ABLIM2: variants seen among roughly 807,000 people sequenced by gnomAD.
ABLIM2 encodes the protein actin-binding LIM protein 2.
In ABLIM2, 53 loss-of-function variants were observed where a neutral mutation model predicts 97.7. The ratio of observed to expected loss-of-function variants is 0.54; its 90% CI spans 0.44 to 0.68. The LOEUF is 0.68. ABLIM2 is among the 30% of genes least tolerant of loss of function. ABLIM2 has a pLI of 0.00. For synonymous variants in ABLIM2, 361 were observed against 345.8 expected (o/e 1.04, Z -0.49); for missense variants, 835 against 867.2 (o/e 0.96, Z 0.47).
chr4:8,045,814 C>T (rs1210495489), intron 8 of ABLIM2, among the ~76,000 whole-genome samples: 1 of 152,178 alleles, frequency 6.6e-6, no homozygotes, highest in East Asian at 1.9e-4. Flanking sequence ...CTGCAAGCTC[C>T]GGTTATGCTC....
chr4:8,008,151 T>A lies in ABLIM2; in HGVS notation c.1526A>T (p.Asn509Ile), dbSNP rs550340339. 1 of 1,613,912 alleles carries A rather than the reference T, an allele frequency of 6.2e-7. No homozygotes were observed. Among genetic ancestry groups the A allele is most frequent in the Non-Finnish European group, 8.5e-7 (1 of 1,179,894 alleles). Reference protein sequence around the residue: ...MLKGDADTRTNSPDLDTQSLS... With the variant: ...MLKGDADTRTISPDLDTQSLS... ...GGACTGGGTGTCCAGGTCTGGAGAA[T>A]TGGTCCTTGTGTCTGCATCCCCCTT... Residue 509 changes from asparagine to isoleucine, a missense_variant, in exon 16 of 21, where the codon AAT becomes ATT. By Grantham distance (149) the Asn-to-Ile change is moderately radical (BLOSUM62 -3). Coordinates refer to ENST00000447017, the MANE Select transcript of ABLIM2 (RefSeq NM_001130083.2).
intron 1 of ABLIM2, among the ~76,000 whole-genome samples, chr4:8,137,043 T>C (rs1302154104): frequency 6.6e-6 from 1 of 152,208 alleles, no homozygotes; most frequent in East Asian, 1.9e-4. Context: ...GCCCCATCTA[T>C]GAGGAGGCGG....
At chr4:8,052,484 C>T (rs1396974424) in intron 8 of ABLIM2, among the ~76,000 whole-genome samples, 1 of 152,254 alleles carries the variant, frequency 6.6e-6, no homozygotes. Flanking sequence ...GCGATCCTGG[C>T]CAAGCTCACA....
rs1163495811 is a variant in ABLIM2, at chr4:8,032,633, GA to G, written c.1048-2858del. On this transcript the variant is annotated intron_variant, in intron 10 of 20. Coordinates refer to ENST00000447017, the MANE Select transcript of ABLIM2 (RefSeq NM_001130083.2). The surrounding 1 kb of genome is among the most constrained non-coding windows in gnomAD (Gnocchi z 4.3). Reference sequence around the variant, plus strand: ...CGCCACGGCAAGCGGGGACAGGCGAGAGGGTGGTGGTTACCTCGGTCGGCGT... The same window carrying G: ...CGCCACGGCAAGCGGGGACAGGCGAGGGGTGGTGGTTACCTCGGTCGGCGT... 7 of 1,612,494 alleles carry G rather than the reference GA, an allele frequency of 4.3e-6. No individual in the cohort carries two copies. Among genetic ancestry groups the G allele is most frequent in the Non-Finnish European group, 5.9e-6 (7 of 1,179,810 alleles).
chr4:8,066,192 G>C (rs1226462300), intron 6 of ABLIM2, among the ~76,000 whole-genome samples: 5 of 151,094 alleles, frequency 3.3e-5, no homozygotes, highest in Non-Finnish European at 3.0e-5. Flanking sequence ...TGTAGTCCCA[G>C]CTAATCAGGA....
At position 8,043,450 on chromosome 4, in the gene ABLIM2, G is replaced by A. The variant is rs553192176; in HGVS notation, c.900+1714C>T. ...CTCCCCGAATTCCTGTGTTGGTAAAGTCCTAACCCTCAGGACCTCAGAATG... is the reference window on the plus strand; with the variant it reads ...CTCCCCGAATTCCTGTGTTGGTAAAATCCTAACCCTCAGGACCTCAGAATG... On this transcript the variant is annotated intron_variant, in intron 9 of 20. Coordinates refer to ENST00000447017, the MANE Select transcript of ABLIM2 (RefSeq NM_001130083.2). This position sits in a 1 kb window ranked among gnomAD's most constrained non-coding sequence, Gnocchi z 4.8. Among the ~76,000 whole-genome samples the A allele has an allele frequency of 2.0e-5, 3 of 152,156 alleles. No homozygotes were observed. Among genetic ancestry groups the A allele is most frequent in the African/African-American group, 7.2e-5 (3 of 41,418 alleles).
chr4:8,045,416 T>G (rs1791666458), intron 8 of ABLIM2, among the ~76,000 whole-genome samples, 175 bp from the exon 9 acceptor site: 1 of 152,190 alleles, frequency 6.6e-6, no homozygotes, highest in Non-Finnish European at 1.5e-5. Flanking sequence ...TTTGGGAGGC[T>G]GAGGTGGGCG....
rs13112032 is a variant in ABLIM2, at chr4:8,001,085, C to G, written c.1618+6974G>C. Among the ~76,000 whole-genome samples the G allele has an allele frequency of 3.0e-3, 459 of 152,312 alleles. No individual in the cohort carries two copies. The highest frequency in any genetic ancestry group is 6.8e-3 in the Middle Eastern group (2 of 294). On this transcript the variant is annotated intron_variant, in intron 16 of 20. Coordinates refer to ENST00000447017, the MANE Select transcript of ABLIM2 (RefSeq NM_001130083.2). This position sits in a 1 kb window ranked among gnomAD's most constrained non-coding sequence, Gnocchi z 4.2. ...TGGAGGCTGTGGCACTGCACAGGTTCGGGTCCCCTCTCTGAGCCTTGGTGT... is the reference window on the plus strand; with the variant it reads ...TGGAGGCTGTGGCACTGCACAGGTTGGGGTCCCCTCTCTGAGCCTTGGTGT...
At chr4:8,081,725 C>T (rs57549912) in intron 4 of ABLIM2, among the ~76,000 whole-genome samples, 36 of 152,132 alleles carry the variant, frequency 2.4e-4, no homozygotes, top group East Asian at 2.1e-3. Flanking sequence ...AGGTCAGGGG[C>T]GGGGAGTGGG....
At chr4:8,064,957 T>G (rs1372606362) in intron 6 of ABLIM2, among the ~76,000 whole-genome samples, 2 of 152,082 alleles carry the variant, frequency 1.3e-5, no homozygotes, top group Admixed American at 6.5e-5. Flanking sequence ...GAAGAAAACA[T>G]GCTGTTAAGA....
chr4:7,980,777 T>A (rs9685030), intron 20 of ABLIM2, among the ~76,000 whole-genome samples: 1 of 151,032 alleles, frequency 6.6e-6, no homozygotes, highest in African/African-American at 2.4e-5. Context: ...CATTCCAGAA[T>A]CCCTTTCCCT....
intron 3 of ABLIM2, 54 bp from the exon 4 acceptor site, chr4:8,088,338 G>A (rs1825183346): frequency 2.8e-6 from 4 of 1,430,064 alleles, no homozygotes; most frequent in Non-Finnish European, 3.9e-6. Context: ...TCCTCTCTGG[G>A]GGAGCCCTGT....
At chr4:8,048,269 G>A (rs950942160) in intron 8 of ABLIM2, among the ~76,000 whole-genome samples, 3 of 152,234 alleles carry the variant, frequency 2.0e-5, no homozygotes, top group Non-Finnish European at 4.4e-5. Flanking sequence ...GCACAAAGGT[G>A]CTTGGCAATG....
chr4:8,029,704 C>A lies in ABLIM2; in HGVS notation c.1120G>T (p.Gly374Trp), dbSNP rs771348588. Residue 374 changes from glycine to tryptophan, a missense_variant, in exon 11 of 21, where the codon GGG becomes TGG. Physicochemically the swap from Gly to Trp is radical, Grantham distance 184 (BLOSUM62 -2). Transcript: ENST00000447017. Reference sequence around the variant, plus strand: ...GACCGTGAGGTCGGAGTGTAGCGCCCGAGGCTAACCGACCCAGTGGAGCTT... The same window carrying A: ...GACCGTGAGGTCGGAGTGTAGCGCCAGAGGCTAACCGACCCAGTGGAGCTT... The part of the protein sequence containing the change: ...SPSSTGSVSL[G>W]RYTPTSRSPQ... 1 of 1,551,574 alleles carries A rather than the reference C, an allele frequency of 6.4e-7. No individual in the cohort carries two copies. The highest frequency in any genetic ancestry group is 8.7e-7 in the Non-Finnish European group (1 of 1,147,522).
At chr4:8,110,109 A>G (rs1195265972) in intron 1 of ABLIM2, among the ~76,000 whole-genome samples, 2 of 152,268 alleles carry the variant, frequency 1.3e-5, no homozygotes, top group African/African-American at 4.8e-5. Flanking sequence ...GGCCCAGGCC[A>G]TGGGGGCCCC....
chr4:8,109,599 G>C lies in ABLIM2; in HGVS notation c.11-2962C>G, dbSNP rs576711672. On this transcript the variant is annotated intron_variant, in intron 1 of 20. Transcript: ENST00000447017. ...ATCCTCGCCTAGGGTCCCTGCCCACGGATGGAACTGTGACAGGACAGCGCA... is the reference window on the plus strand; with the variant it reads ...ATCCTCGCCTAGGGTCCCTGCCCACCGATGGAACTGTGACAGGACAGCGCA... Among the ~76,000 whole-genome samples, 54 of 152,244 alleles carry C rather than the reference G, an allele frequency of 3.5e-4. 1 individual carries two copies. The highest frequency in any genetic ancestry group is 6.2e-4 in the South Asian group (3 of 4,814).
chr4:8,085,436 C>A lies in ABLIM2; in HGVS notation c.454+2733G>T, dbSNP rs1192553010. Among the ~76,000 whole-genome samples the A allele has an allele frequency of 6.6e-6, 1 of 152,184 alleles. No homozygotes were observed. The stretch of plus-strand genomic sequence containing the variant: ...GGTGTTGGTGTCTCAGTGCCATTCC[C>A]ATTCCCCGCCCCCACGCTGCAGCCC... On this transcript the variant is annotated intron_variant, in intron 4 of 20. Coordinates refer to ENST00000447017, the MANE Select transcript of ABLIM2 (RefSeq NM_001130083.2). The surrounding 1 kb of genome is among the most constrained non-coding windows in gnomAD (Gnocchi z 6.1).
Position 8,019,658 on chromosome 4 carries a change from T to A in ABLIM2, c.1383A>T (p.Lys461Asn). 6.2e-7 allele frequency: 1 copy of A among 1,612,458 alleles called. No homozygotes were observed. Among genetic ancestry groups the A allele is most frequent in the South Asian group, 1.1e-5 (1 of 90,728 alleles). ...TAGGGGGTTTCCTATAGATGTTATCTTTTACGCCAGTGTCTGGGGAAGAAG... is the reference window on the plus strand; with the variant it reads ...TAGGGGGTTTCCTATAGATGTTATCATTTACGCCAGTGTCTGGGGAAGAAG... ...RHFHVPDTGVKDNIYRKPPIY... is the reference protein window; with the variant it reads ...RHFHVPDTGVNDNIYRKPPIY... The change falls in exon 14 of 21, where the codon AAA becomes AAT. Residue 461 changes from lysine (K) to asparagine (N), a missense_variant. Transcript: ENST00000447017. This position sits in a 1 kb window ranked among gnomAD's most constrained non-coding sequence, Gnocchi z 4.3.
Position 8,008,060 on chromosome 4 carries a change from T to G in ABLIM2, c.1617A>C (p.Ser539=), listed in dbSNP as rs1412076685. The stretch of plus-strand genomic sequence containing the variant: ...TCCTTCTTCAAAAGAACCACTCACG[T>G]GAGTGAAAGCTGTCCCCTGCCATCC... ...LQRMAGDSFH[S]RFPYSKSDPL... The change falls in exon 16 of 21, where the codon TCA becomes TCC. Residue 539 remains serine (S), a splice_region_variant and synonymous_variant. Transcript: ENST00000447017. 6.2e-7 allele frequency: 1 copy of G among 1,613,806 alleles called. No homozygotes were observed. Among genetic ancestry groups the G allele is most frequent in the Non-Finnish European group, 8.5e-7 (1 of 1,179,832 alleles).
Sources: gnomAD v4.1 joint callset for allele counts (sites outside exome capture counted in the v4.1 genomes callset) on GRCh38, gnomAD v4.1.1 for gene constraint, Gnocchi (gnomAD v3.1) non-coding constraint, MANE v1.5 for transcripts, NCBI Gene and HGNC (gene_info 2026-07-23, HGNC 2026-07-21) for gene names.